STS: variants seen among roughly 807,000 people sequenced by gnomAD.
STS encodes the protein steroid sulfatase.
In STS, 7 loss-of-function variants were observed where a neutral mutation model predicts 26.8. The ratio of observed to expected loss-of-function variants is 0.26; its 90% CI spans 0.15 to 0.49. STS has a LOEUF of 0.49. Among genes scored for constraint, STS ranks in the 20% least tolerant of loss-of-function variants. The pLI, the probability that STS is intolerant of heterozygous loss-of-function variation, is 0.98. For missense variants in STS, 434 were observed against 465.6 expected (o/e 0.93, Z 0.63); for synonymous variants, 199 against 189.4 (o/e 1.05, Z -0.42).
intron 1 of STS, among the ~76,000 whole-genome samples, chrX:7,154,421 GT>G (rs1402652464): frequency 1.1e-4 from 12 of 112,474 alleles, no homozygotes; most frequent in Non-Finnish European, 1.5e-4. Flanking sequence ...TTGGCTCATT[GT>G]TTCATAGCAA....
intron 10 of STS, among the ~76,000 whole-genome samples, chrX:7,339,234 C>G (rs1341838035): frequency 8.9e-6 from 1 of 111,742 alleles, no homozygotes; most frequent in Non-Finnish European, 1.9e-5. Flanking sequence ...CCTTCCTCAT[C>G]TAATCCTCAG....
chrX:7,349,442 T>A (rs759447517), intron 10 of STS, among the ~76,000 whole-genome samples: 6 of 100,749 alleles, frequency 6.0e-5, no homozygotes, highest in Admixed American at 1.1e-4. Context: ...TTCAAGTGAT[T>A]CTTTTGCCTC....
rs751721211 is a variant in STS at position 7,341,915 on chromosome X, G to A, written c.1363+7808G>A. Among the ~76,000 whole-genome samples the A allele has an allele frequency of 1.3e-4, 14 of 110,213 alleles. 1 individual carries two copies. In the East Asian group the frequency reaches 3.1e-3, roughly 25 times the overall value. ...GCAAACTCCACCTCCAGGTTCAAGC[G>A]ATTCTCCTGTGCCAGCCTCCCGAGT... On this transcript the variant is annotated intron_variant, in intron 10 of 10. Coordinates refer to ENST00000674429, the MANE Select transcript of STS (RefSeq NM_001320752.2).
intron 6 of STS, among the ~76,000 whole-genome samples, chrX:7,266,862 C>T (rs1239874168): frequency 9.0e-5 from 10 of 111,680 alleles, no homozygotes; most frequent in African/African-American, 2.3e-4. Context: ...TAATGGACAC[C>T]GTGGAATGGT....
intron 8 of STS, among the ~76,000 whole-genome samples, chrX:7,320,803 G>C (rs1926991695): frequency 1.8e-5 from 2 of 111,876 alleles, no homozygotes; most frequent in South Asian, 7.5e-4. Flanking sequence ...AAGTGATGTT[G>C]AAAGGATAAA....
At chrX:7,291,971 G>A (rs1208849429) in intron 7 of STS, among the ~76,000 whole-genome samples, 5 of 112,138 alleles carry the variant, frequency 4.5e-5, no homozygotes, top group Non-Finnish European at 9.4e-5. Context: ...ATGCTTTTAT[G>A]CATCCGATTT....
At chrX:7,245,862 A>T (rs1288076685) in intron 2 of STS, among the ~76,000 whole-genome samples, 1 of 112,101 alleles carries the variant, frequency 8.9e-6, no homozygotes, top group Non-Finnish European at 1.9e-5. Context: ...CCCTCCTCTC[A>T]TTCTTCAGCC....
At chrX:7,148,232 C>G in intron 1 of STS, 149 bp downstream of exon 1, 1 of 368,034 alleles carries the variant, frequency 2.7e-6, no homozygotes, top group Non-Finnish European at 4.5e-6. Flanking sequence ...CACGCGCCTT[C>G]CGCGGCCCCT....
intron 2 of STS, among the ~76,000 whole-genome samples, chrX:7,222,639 A>G (rs1478096942): frequency 2.7e-5 from 3 of 110,481 alleles, no homozygotes; most frequent in Admixed American, 9.7e-5. Flanking sequence ...AATGTTTTCC[A>G]TCTCAGAACA....
chrX:7,148,182 C>G, intron 1 of STS, 99 bp downstream of exon 1: 1 of 770,385 alleles, frequency 1.3e-6, no homozygotes, highest in East Asian at 4.5e-5. Flanking sequence ...CCCGCGCACG[C>G]GCACTGAGGA....
At chrX:7,152,446 T>C (rs1489226819) in intron 1 of STS, among the ~76,000 whole-genome samples, 1 of 111,607 alleles carries the variant, frequency 9.0e-6, no homozygotes, top group Admixed American at 9.5e-5. Context: ...GCCTCCCAGG[T>C]AGCTGGGACT....
intron 3 of STS, among the ~76,000 whole-genome samples, chrX:7,254,231 A>G (rs1307283426): frequency 8.9e-6 from 1 of 112,250 alleles, no homozygotes; most frequent in Non-Finnish European, 1.9e-5. Context: ...TTATCAAAAC[A>G]GTGGCAACAA....
At chrX:7,214,989 T>C (rs1475930656) in intron 2 of STS, among the ~76,000 whole-genome samples, 9 of 81,218 alleles carry the variant, frequency 1.1e-4, no homozygotes, top group East Asian at 7.3e-4. Flanking sequence ...TACATATATA[T>C]ACGTATATAT....
In STS at chrX:7,208,818, G is replaced by C. The variant is rs143761528; in HGVS notation, c.-5+17810G>C. On this transcript the variant is annotated intron_variant, in intron 2 of 10. Transcript: ENST00000674429. ...TGGGTTTCACTGTCCTAAAATCATGGTGTGGGCAGGGCTGCTTTCTTTTCT... is the reference window on the plus strand; with the variant it reads ...TGGGTTTCACTGTCCTAAAATCATGCTGTGGGCAGGGCTGCTTTCTTTTCT... Among the ~76,000 whole-genome samples the C allele has an allele frequency of 5.7e-3, 640 of 111,794 alleles. 8 individuals are homozygous for C. The highest frequency in any genetic ancestry group is 0.02 in the African/African-American group (605 of 30,794).
chrX:7,192,562 T>C (rs1933895448), intron 2 of STS, among the ~76,000 whole-genome samples: 1 of 49,431 alleles, frequency 2.0e-5, no homozygotes. Flanking sequence ...AGACTCCATC[T>C]CAAAAAAAAA....
chrX:7,205,701 G>C (rs1050274742), intron 2 of STS, among the ~76,000 whole-genome samples: 1 of 99,787 alleles, frequency 1.0e-5, no homozygotes, highest in African/African-American at 3.8e-5. Flanking sequence ...ACTCCTGGCT[G>C]GAGTGCAGTG....
chrX:7,278,546 A>G (rs182402772), intron 7 of STS, among the ~76,000 whole-genome samples: 55 of 112,114 alleles, frequency 4.9e-4, no homozygotes, highest in African/African-American at 1.7e-3. Flanking sequence ...ATGTAACTGT[A>G]CACCAGTTCT....
chrX:7,269,257 A>G (rs1296824216), intron 6 of STS, among the ~76,000 whole-genome samples: 2 of 91,518 alleles, frequency 2.2e-5, no homozygotes, highest in African/African-American at 8.3e-5. Context: ...CTTTTGCCAT[A>G]CTAGATCTAG....
intron 2 of STS, among the ~76,000 whole-genome samples, chrX:7,240,058 G>A (rs1922520415): frequency 9.2e-6 from 1 of 108,857 alleles, no homozygotes; most frequent in Non-Finnish European, 1.9e-5. Context: ...CAGATTTTTT[G>A]TACTTTTAGT....
Sources: gnomAD v4.1 joint callset for allele counts (sites outside exome capture counted in the v4.1 genomes callset) on GRCh38, gnomAD v4.1.1 for gene constraint, MANE v1.5 for transcripts, NCBI Gene and HGNC (gene_info 2026-07-23, HGNC 2026-07-21) for gene names.